Variants in RPS6KA5 observed in about 807,000 individuals in gnomAD.
RPS6KA5 encodes ribosomal protein S6 kinase alpha-5.
RPS6KA5 carries 27 observed loss-of-function variants against 85.5 expected under a neutral mutation model. That is an observed-to-expected ratio of 0.32 (90% confidence interval 0.23 to 0.44). The LOEUF is 0.44. RPS6KA5 is among the 20% of genes least tolerant of loss of function. RPS6KA5 has a pLI of 1.00. For missense variants in RPS6KA5, 811 were observed against 980.9 expected (o/e 0.83, Z 2.31); for synonymous variants, 334 against 348.2 (o/e 0.96, Z 0.46).
At chr14:90,918,046 T>C (rs2036214203) in intron 7 of RPS6KA5, among the ~76,000 whole-genome samples, 1 of 152,236 alleles carries the variant, frequency 6.6e-6, no homozygotes, top group African/African-American at 2.4e-5. Context: ...CCCTTGGTAA[T>C]TACCCAGGAA....
chr14:90,918,735 G>A (rs965736548), intron 7 of RPS6KA5, among the ~76,000 whole-genome samples: 2 of 152,062 alleles, frequency 1.3e-5, no homozygotes, highest in Admixed American at 1.3e-4. Flanking sequence ...TTTCCATCTG[G>A]ATAGCCAGTG....
At chr14:90,897,069 C>T (rs538485551) in intron 12 of RPS6KA5, among the ~76,000 whole-genome samples, 97 of 152,156 alleles carry the variant, frequency 6.4e-4, no homozygotes, top group South Asian at 5.2e-3. Flanking sequence ...TTTCCATGGA[C>T]GAGGGGAGGC....
intron 5 of RPS6KA5, among the ~76,000 whole-genome samples, chr14:90,937,231 G>A (rs916681643): frequency 3.3e-5 from 5 of 152,020 alleles, no homozygotes; most frequent in Non-Finnish European, 5.9e-5. Context: ...TAATATGCAC[G>A]TCAATGGTAA....
chr14:90,873,198 A>T (rs182831964), intron 16 of RPS6KA5, among the ~76,000 whole-genome samples: 4 of 152,318 alleles, frequency 2.6e-5, no homozygotes, highest in Non-Finnish European at 4.4e-5. Context: ...TCAGTCTTTC[A>T]AACATACAAT....
chr14:90,920,484 A>C (rs773670612), intron 6 of RPS6KA5, among the ~76,000 whole-genome samples, 175 bp from the exon 7 acceptor site: 3 of 152,196 alleles, frequency 2.0e-5, no homozygotes, highest in Non-Finnish European at 4.4e-5. Context: ...TTAGAGAACA[A>C]ATATCCAAGT....
chr14:91,040,281 G>A (rs1305405416), intron 1 of RPS6KA5, among the ~76,000 whole-genome samples: 1 of 152,164 alleles, frequency 6.6e-6, no homozygotes, highest in Non-Finnish European at 1.5e-5. Context: ...GGTGGCGCAT[G>A]CCTGTAATCC....
At chr14:90,952,751 G>A (rs2038272418) in intron 3 of RPS6KA5, among the ~76,000 whole-genome samples, 1 of 152,220 alleles carries the variant, frequency 6.6e-6, no homozygotes, top group African/African-American at 2.4e-5. Flanking sequence ...CAACAAGACT[G>A]ATCATTAATG....
Position 90,864,701 on chromosome 14 carries a change from A to G in RPS6KA5, c.*7373T>C, listed in dbSNP as rs1446024241. On this transcript the variant is annotated 3_prime_UTR_variant, in exon 17 of 17. Coordinates refer to ENST00000614987, the MANE Select transcript of RPS6KA5 (RefSeq NM_004755.4). ...GTCAGTAAGAAAAAAAGACAACCCA[A>G]TAAATATGAACAAATGACTTGAACA... 6.6e-6 allele frequency: 1 copy of G among 152,208 alleles called. No individual in the cohort carries two copies. The highest frequency in any genetic ancestry group is 2.4e-5 in the African/African-American group (1 of 41,458). The allele number at this position is 152,208 out of a possible 1,614,324, so 9.4% of individuals were successfully genotyped here.
At chr14:91,044,281 GAGAGAGAGAGAGAAAGAGAGAGAA>G (rs1185309123) in intron 1 of RPS6KA5, among the ~76,000 whole-genome samples, 1 of 12,092 alleles carries the variant, frequency 8.3e-5, no homozygotes, top group Non-Finnish European at 1.9e-4. Flanking sequence ...GAGAAAGAAA[GAGAGAGAGAGAGAAAGAGAGAGAA>G]AGAGAGAGAG....
chr14:90,870,498 C>T lies in RPS6KA5; in HGVS notation c.*1576G>A, dbSNP rs1165549958. 1 of 151,892 alleles carries T rather than the reference C, an allele frequency of 6.6e-6. No homozygotes were observed. Among genetic ancestry groups the T allele is most frequent in the African/African-American group, 2.4e-5 (1 of 41,344 alleles). 9.4% of individuals were successfully genotyped at this position (151,892 alleles called of 1,614,324 possible). On this transcript the variant is annotated 3_prime_UTR_variant, in exon 17 of 17. Transcript: ENST00000614987. Reference sequence around the variant, plus strand: ...TAATATTTGCCATTTTTTGCCTGTGCTATTAATATATACATTGATTTAGTA... The same window carrying T: ...TAATATTTGCCATTTTTTGCCTGTGTTATTAATATATACATTGATTTAGTA...
At chr14:91,031,067 G>T (rs550501863) in intron 1 of RPS6KA5, among the ~76,000 whole-genome samples, 1 of 152,156 alleles carries the variant, frequency 6.6e-6, no homozygotes, top group African/African-American at 2.4e-5. Context: ...AAATATAAAT[G>T]TAAAATTCCA....
chr14:90,849,234 C>CTA lies in RPS6KA5; in HGVS notation c.*22839_*22840insTA. ...ACTGCTTATCAGGCAACTAACAGAGCCGGCAACAGAAAGGTTACAAGGCCA... is the reference window on the plus strand; with the variant it reads ...ACTGCTTATCAGGCAACTAACAGAGCTACGGCAACAGAAAGGTTACAAGGCCA... On this transcript the variant is annotated 3_prime_UTR_variant, in exon 17 of 17. Coordinates refer to ENST00000614987, the MANE Select transcript of RPS6KA5 (RefSeq NM_004755.4). 3 of 152,324 alleles carry CTA rather than the reference C, an allele frequency of 2.0e-5. No homozygotes were observed. In the South Asian group the frequency reaches 6.2e-4, roughly 32 times the overall value. 9.4% of individuals were successfully genotyped at this position (152,324 alleles called of 1,614,324 possible). A position where few individuals can be genotyped will look rare whatever the true frequency, so the allele number is the denominator to read the frequency against.
chr14:90,916,662 T>C (rs2036131611), intron 7 of RPS6KA5, among the ~76,000 whole-genome samples: 1 of 122,384 alleles, frequency 8.2e-6, no homozygotes, highest in South Asian at 3.0e-4. Flanking sequence ...AGTTATCACA[T>C]TGTTTGTAAA....
chr14:90,906,871 G>A (rs1348886362), intron 7 of RPS6KA5, among the ~76,000 whole-genome samples: 1 of 151,918 alleles, frequency 6.6e-6, no homozygotes, highest in Non-Finnish European at 1.5e-5. Flanking sequence ...ACTACAGCTG[G>A]GGATTTTCAT....
At chr14:90,915,296 G>C (rs1405320386) in intron 7 of RPS6KA5, among the ~76,000 whole-genome samples, 3 of 152,102 alleles carry the variant, frequency 2.0e-5, no homozygotes, top group African/African-American at 7.2e-5. Context: ...CTGTGGGTTG[G>C]ACCTAGTGCC....
chr14:90,915,372 G>A (rs1007105580), intron 7 of RPS6KA5, among the ~76,000 whole-genome samples: 1 of 152,130 alleles, frequency 6.6e-6, no homozygotes, highest in Admixed American at 6.5e-5. Flanking sequence ...AGGTTACAAG[G>A]CATCCCATCT....
intron 2 of RPS6KA5, among the ~76,000 whole-genome samples, chr14:90,988,514 A>ATT (rs1307771212): frequency 6.6e-6 from 1 of 152,214 alleles, no homozygotes; most frequent in African/African-American, 2.4e-5. Flanking sequence ...GCTTGAATAC[A>ATT]TTTGTTTGAT....
chr14:90,900,166 G>A lies in RPS6KA5; in HGVS notation c.1321C>T (p.Arg441Ter). 6.2e-7 allele frequency: 1 copy of A among 1,605,708 alleles called. No homozygotes were observed. Among genetic ancestry groups the A allele is most frequent in the Non-Finnish European group, 8.5e-7 (1 of 1,175,442 alleles). The change falls in exon 11 of 17, where the codon CGA becomes TGA. Residue 441 changes from arginine (R) to a stop codon, truncating the protein, a stop_gained. Coordinates refer to ENST00000614987, the MANE Select transcript of RPS6KA5 (RefSeq NM_004755.4). LOFTEE classifies it high-confidence loss of function. ...PLGEGSFSIC[R>*]KCVHKKSNQA... is the part of the protein sequence containing the mutation. The stretch of plus-strand genomic sequence containing the variant: ...TTACTTTTTTTATGCACACACTTTC[G>A]ACAAATTGAAAAACTACCTTCTCCC...
At chr14:90,956,227 G>GAT (rs1325194379) in intron 3 of RPS6KA5, among the ~76,000 whole-genome samples, 2 of 152,148 alleles carry the variant, frequency 1.3e-5, no homozygotes, top group East Asian at 3.9e-4. Flanking sequence ...GAGGGATAAT[G>GAT]ATATATATTT....
Sources: allele counts gnomAD v4.1 joint callset (sites outside exome capture counted in the v4.1 genomes callset), GRCh38; gene constraint gnomAD v4.1.1; transcripts MANE v1.5; gene names NCBI Gene and HGNC (gene_info 2026-07-23, HGNC 2026-07-21).